Variants in PRSS38 observed in about 807,000 individuals in gnomAD.
The protein encoded by PRSS38 is serine protease 38.
In PRSS38, 22 loss-of-function variants were observed where a neutral mutation model predicts 26.8. The ratio of observed to expected loss-of-function variants is 0.82; its 90% CI spans 0.59 to 1.17. The LOEUF (loss-of-function observed/expected upper bound fraction) is 1.17, where lower values mean the gene tolerates loss of function less well. Among genes scored for constraint, PRSS38 ranks in the 50% most tolerant of loss-of-function variants. The pLI, the probability that PRSS38 is intolerant of heterozygous loss-of-function variation, is 0.00. For synonymous variants in PRSS38, 175 were observed against 172.1 expected, an observed-to-expected ratio of 1.02 and a Z score of -0.13; for missense variants, 427 against 422.7, an observed-to-expected ratio of 1.01 and a Z score of -0.09.
rs1317246390 is a variant in PRSS38 at position 227,845,962 on chromosome 1, CG to C, written c.740del (p.Gly247AlafsTer17). 3 of 1,613,970 alleles carry C rather than the reference CG, an allele frequency of 1.9e-6. No homozygotes were observed. Among genetic ancestry groups the C allele is most frequent in the Admixed American group, 1.7e-5 (1 of 59,996 alleles). ...TCCCTCTTCCTTTCTAGGGCGACTC[CG>C]GGGGCCCACTTGTCTGTGAATTCAA... On this transcript the variant is annotated frameshift_variant, in exon 5 of 5. Transcript: ENST00000366757. LOFTEE classifies it low-confidence loss of function (END_TRUNC).
chr1:227,834,975 C>T (rs891509537), intron 3 of PRSS38, among the ~76,000 whole-genome samples: 7 of 152,170 alleles, frequency 4.6e-5, no homozygotes, highest in Middle Eastern at 3.4e-3. Context: ...ATAAAGAACT[C>T]CTACAACTCA....
intron 3 of PRSS38, among the ~76,000 whole-genome samples, chr1:227,824,181 C>T (rs923845993): frequency 2.0e-5 from 3 of 152,076 alleles, no homozygotes; most frequent in Non-Finnish European, 2.9e-5. Flanking sequence ...AGGTATTAAG[C>T]CCAGCATCCA....
intron 3 of PRSS38, among the ~76,000 whole-genome samples, chr1:227,827,982 C>G (rs1665099653): frequency 6.6e-6 from 1 of 152,180 alleles, no homozygotes; most frequent in African/African-American, 2.4e-5. Context: ...TGTTCAATTT[C>G]CATGTAGTTG....
In PRSS38 at chr1:227,820,931, T is replaced by G. The variant is rs975325193; in HGVS notation, c.583+3451T>G. Among the ~76,000 whole-genome samples the G allele has an allele frequency of 4.6e-5, 7 of 152,244 alleles. 1 individual carries two copies. The highest frequency in any genetic ancestry group is 1.7e-4 in the African/African-American group (7 of 41,468). ...ATCTTTTCAGATTTCCTATTTCTTC[T>G]GTGTAAGTTTAGATAATTCATACGT... On this transcript the variant is annotated intron_variant, in intron 3 of 4. Coordinates refer to ENST00000366757, the Ensembl canonical transcript of PRSS38.
chr1:227,842,797 G>T (rs12132845), intron 3 of PRSS38, among the ~76,000 whole-genome samples: 1 of 151,824 alleles, frequency 6.6e-6, no homozygotes, highest in Non-Finnish European at 1.5e-5. Flanking sequence ...GGGTGGTCTC[G>T]AACTCCCAGC....
chr1:227,844,442 T>A (rs2102686943), intron 3 of PRSS38, among the ~76,000 whole-genome samples: 1 of 151,512 alleles, frequency 6.6e-6, no homozygotes, highest in South Asian at 2.1e-4. Context: ...GCGGTGAGAC[T>A]CCTCCCTATG....
In PRSS38 at chr1:227,816,186, T is replaced by G; in HGVS notation, c.245T>G (p.Leu82Arg). 1 of 1,613,652 alleles carries G rather than the reference T, an allele frequency of 6.2e-7. No individual in the cohort carries two copies. Among genetic ancestry groups the G allele is most frequent in the Non-Finnish European group, 8.5e-7 (1 of 1,179,872 alleles). The change falls in exon 2 of 5, where the codon CTC (leucine) becomes CGC (arginine). Residue 82 changes from leucine to arginine, a missense_variant. Physicochemically the swap from Leu to Arg is moderately radical, Grantham distance 102. Transcript: ENST00000366757. This position sits in a 1 kb window ranked among gnomAD's most constrained non-coding sequence, Gnocchi z 5.1. ...CAGGTCAGCGTGCACTACGCAGGCC[T>G]CCACGTCTGCGGCGGCTCCATCCTC...
At chr1:227,842,583 C>CT (rs545162850) in intron 3 of PRSS38, among the ~76,000 whole-genome samples, 134 of 144,718 alleles carry the variant, frequency 9.3e-4, no homozygotes, top group Admixed American at 2.5e-3. Flanking sequence ...GAGGGAACTT[C>CT]TTTTTTTTTT....
intron 3 of PRSS38, among the ~76,000 whole-genome samples, chr1:227,833,250 G>A (rs1044156648): frequency 5.9e-5 from 9 of 152,146 alleles, no homozygotes; most frequent in Non-Finnish European, 1.0e-4. Context: ...CAACATGGCC[G>A]AGTGCAGTAG....
intron 3 of PRSS38, among the ~76,000 whole-genome samples, chr1:227,839,793 G>A (rs1048548184): frequency 2.6e-4 from 39 of 152,054 alleles, no homozygotes; most frequent in African/African-American, 8.5e-4. Flanking sequence ...ACAGCACCCC[G>A]AGGGTACTTA....
chr1:227,817,239 C>T (rs1165142255), exon 3 of PRSS38: 9 of 1,613,976 alleles, frequency 5.6e-6, no homozygotes, highest in East Asian at 2.2e-5. Context: ...ATGACATGTA[C>T]GTAGGCCTCG....
chr1:227,815,714 CT>C, exon 1 of PRSS38: 1 of 1,582,688 alleles, frequency 6.3e-7, no homozygotes, highest in Non-Finnish European at 8.6e-7. Context: ...TGCCTCGAGC[CT>C]CATGGCTGCC....
chr1:227,835,090 C>T (rs184594325), intron 3 of PRSS38, among the ~76,000 whole-genome samples: 5 of 152,158 alleles, frequency 3.3e-5, no homozygotes, highest in East Asian at 3.8e-4. Context: ...GGATGCTCCA[C>T]GTCATTAGTC....
chr1:227,835,043 C>T (rs1325803609), intron 3 of PRSS38, among the ~76,000 whole-genome samples: 11 of 152,130 alleles, frequency 7.2e-5, no homozygotes, highest in Non-Finnish European at 1.5e-5. Context: ...GACATTTCTC[C>T]AAAGATAACA....
intron 3 of PRSS38, among the ~76,000 whole-genome samples, chr1:227,818,528 C>T (rs1664954868): frequency 6.6e-6 from 1 of 151,958 alleles, no homozygotes; most frequent in Non-Finnish European, 1.5e-5. Flanking sequence ...AAAATGCTGA[C>T]TTAGCTGGGC....
At chr1:227,832,411 G>A (rs1248728334) in intron 3 of PRSS38, among the ~76,000 whole-genome samples, 1 of 151,924 alleles carries the variant, frequency 6.6e-6, no homozygotes, top group East Asian at 1.9e-4. Context: ...TGTTAACAAA[G>A]TGCCTTTTGG....
chr1:227,845,029 G>C (rs1030128173), intron 3 of PRSS38, among the ~76,000 whole-genome samples: 1 of 144,078 alleles, frequency 6.9e-6, no homozygotes, highest in African/African-American at 2.6e-5. Context: ...CTCTATGTGT[G>C]GTGGGGCTCT....
At chr1:227,835,065 C>T (rs1409255292) in intron 3 of PRSS38, among the ~76,000 whole-genome samples, 1 of 152,084 alleles carries the variant, frequency 6.6e-6, no homozygotes, top group African/African-American at 2.4e-5. Context: ...GTAAATGGTC[C>T]ACAAGCACAT....
Position 227,816,020 on chromosome 1 carries a change from C to A in PRSS38, c.149-70C>A, listed in dbSNP as rs1369178137. On this transcript the variant is annotated intron_variant, in intron 1 of 4. Coordinates refer to ENST00000366757, the Ensembl canonical transcript of PRSS38. The surrounding 1 kb of genome is among the most constrained non-coding windows in gnomAD (Gnocchi z 5.1). ...TCCTGTGTCCCCTGCCCCTCCCCCA[C>A]GTCCCCTGCCTGCCCTACCTCTCCC... 3 of 1,540,404 alleles carry A rather than the reference C, an allele frequency of 1.9e-6. No homozygotes were observed. The highest frequency in any genetic ancestry group is 2.7e-6 in the Non-Finnish European group (3 of 1,129,980).
Sources: allele counts gnomAD v4.1 joint callset (sites outside exome capture counted in the v4.1 genomes callset), GRCh38; gene constraint gnomAD v4.1.1; non-coding constraint Gnocchi (gnomAD v3.1); transcripts MANE v1.5; gene names NCBI Gene and HGNC (gene_info 2026-07-23, HGNC 2026-07-21).